Variants in PFKFB3 observed in about 807,000 individuals in gnomAD.
PFKFB3 encodes 6-phosphofructo-2-kinase/fructose-2,6-biphosphatase 3, also known as 6-phosphofructo-2-kinase/fructose-2,6-bisphosphatase 3.
A neutral mutation model predicts 68.0 loss-of-function variants in PFKFB3; 33 were observed. That is an observed-to-expected ratio of 0.49 (90% CI 0.37 to 0.65). The LOEUF is 0.65. PFKFB3 is among the 30% of genes least tolerant of loss of function. The pLI is 0.00. For synonymous variants in PFKFB3, 315 were observed against 288.2 expected (o/e 1.09, Z -0.94); for missense variants, 586 against 712.2 (o/e 0.82, Z 2.02).
chr10:6,253,384 C>G (rs770980997), intron 14 of PFKFB3, among the ~76,000 whole-genome samples: 2 of 152,166 alleles, frequency 1.3e-5, no homozygotes, highest in Non-Finnish European at 2.9e-5. Flanking sequence ...AAATTACTCT[C>G]TCTATTAAAG....
intron 1 of PFKFB3, among the ~76,000 whole-genome samples, chr10:6,158,127 TA>T (rs992170958): frequency 0.012 from 1,733 of 141,084 alleles, 64 homozygotes; most frequent in East Asian, 0.1. Context: ...CTACTAAAAA[TA>T]AAAAAAAAAA....
At chr10:6,310,064 G>T in the PFKFB3 span, among the ~76,000 whole-genome samples, 1 of 152,134 alleles carries the variant, frequency 6.6e-6, no homozygotes, top group Non-Finnish European at 1.5e-5. Flanking sequence ...AGGTGCTGGG[G>T]CTGCCAGAGG....
chr10:6,266,504 G>A, the PFKFB3 span, among the ~76,000 whole-genome samples: 1 of 152,068 alleles, frequency 6.6e-6, no homozygotes, highest in Admixed American at 6.6e-5. Context: ...ATTGCCAGTG[G>A]GTGTCATTGC....
At chr10:6,181,205 GA>G (rs534244191) in intron 1 of PFKFB3, among the ~76,000 whole-genome samples, 365 of 152,274 alleles carry the variant, frequency 2.4e-3, no homozygotes, top group Non-Finnish European at 2.4e-3. Context: ...ATGTTTTGTA[GA>G]GATAAAGTCT....
chr10:6,259,877 C>T, the PFKFB3 span, among the ~76,000 whole-genome samples: 2 of 152,296 alleles, frequency 1.3e-5, no homozygotes, highest in Admixed American at 1.3e-4. Flanking sequence ...AGTAGTGGAA[C>T]ATCAGATAGT....
chr10:6,275,949 T>A, the PFKFB3 span, among the ~76,000 whole-genome samples: 1 of 152,220 alleles, frequency 6.6e-6, no homozygotes, highest in Non-Finnish European at 1.5e-5. The surrounding 1 kb of genome is among the most constrained non-coding windows in gnomAD (Gnocchi z 4.9). Flanking sequence ...GCTTTCTTCA[T>A]GCTGGAGTAT....
chr10:6,248,628 CAAAAAAAAA>C (rs1215741346), intron 14 of PFKFB3, among the ~76,000 whole-genome samples: 3 of 71,874 alleles, frequency 4.2e-5, no homozygotes, highest in African/African-American at 1.5e-4. Flanking sequence ...GACTCCATCT[CAAAAAAAAA>C]AAAAAAAAAA....
At chr10:6,201,709 G>A (rs987371660), upstream of PFKFB3, among the ~76,000 whole-genome samples, 1 of 152,132 alleles carries the variant, frequency 6.6e-6, no homozygotes, top group Non-Finnish European at 1.5e-5. This position sits in a 1 kb window ranked among gnomAD's most constrained non-coding sequence, Gnocchi z 4.1. Context: ...AGCGAGCGCC[G>A]CCTTCCCTCC....
At chr10:6,221,004 C>A in intron 8 of PFKFB3, 139 bp downstream of exon 8, 1 of 810,686 alleles carries the variant, frequency 1.2e-6, no homozygotes, top group Non-Finnish European at 2.1e-6. Context: ...TCTGTGTGTG[C>A]GCCTGCACGT....
At chr10:6,297,661 C>G in the PFKFB3 span, among the ~76,000 whole-genome samples, 1 of 152,164 alleles carries the variant, frequency 6.6e-6, no homozygotes, top group Non-Finnish European at 1.5e-5. Flanking sequence ...GGAACTGTCT[C>G]AGGAATGTTT....
Position 6,166,053 on chromosome 10 carries a change from C to T in PFKFB3, c.16+21040C>T, listed in dbSNP as rs559181963. Among the ~76,000 whole-genome samples the T allele has an allele frequency of 4.6e-5, 7 of 151,094 alleles. No individual in the cohort carries two copies. In the South Asian group the frequency reaches 1.3e-3, roughly 27 times the overall value. Reference sequence around the variant, plus strand: ...GGAGTGCAGTGGCACGATCCCGGCTCACTGCAACTTCCGCCTCCTGGGTTC... The same window carrying T: ...GGAGTGCAGTGGCACGATCCCGGCTTACTGCAACTTCCGCCTCCTGGGTTC... On this transcript the variant is annotated intron_variant, in intron 1 of 14. Coordinates refer to the PFKFB3 transcript ENST00000379789.
chr10:6,177,424 CCTTTCTTTTCTTTCT>C (rs1842531191), intron 1 of PFKFB3, among the ~76,000 whole-genome samples: 1 of 33,554 alleles, frequency 3.0e-5, no homozygotes, highest in Non-Finnish European at 6.7e-5. Context: ...TCTCTTTCTT[CCTTTCTTTTCTTTCT>C]CTTTCTTTCT....
intron 1 of PFKFB3, among the ~76,000 whole-genome samples, chr10:6,205,581 C>T (rs1463015364): frequency 3.3e-5 from 5 of 151,748 alleles, no homozygotes; most frequent in East Asian, 1.9e-4. Flanking sequence ...TTAGTAAAGA[C>T]GGGGTTTCAC....
rs186649986 is a variant in PFKFB3 at position 6,226,159 on chromosome 10, C to T, written c.1342-33C>T. On this transcript the variant is annotated intron_variant, in intron 13 of 14. Transcript: ENST00000379775. ...TTTTCCTCCCCTTCTTTGTAACTGT[C>T]GCCTTTCTCTCTTTTGTCTTTGTCT... 5.4e-4 allele frequency: 817 copies of T among 1,521,418 alleles called. 1 individual carries two copies. The highest frequency in any genetic ancestry group is 6.9e-4 in the Non-Finnish European group (780 of 1,131,016). The allele number at this position is 1,521,418 out of a possible 1,614,324, so 94.2% of individuals were successfully genotyped here.
chr10:6,318,906 A>G, the PFKFB3 span, among the ~76,000 whole-genome samples: 2 of 152,144 alleles, frequency 1.3e-5, no homozygotes, highest in African/African-American at 4.8e-5. Flanking sequence ...GGCTGCTTCC[A>G]TGGGTTCCAC....
At chr10:6,241,167 A>C (rs1482705523) in intron 14 of PFKFB3, among the ~76,000 whole-genome samples, 1 of 151,810 alleles carries the variant, frequency 6.6e-6, no homozygotes. Context: ...GGCCTCCCAA[A>C]GTGCTGGGAT....
the PFKFB3 span, among the ~76,000 whole-genome samples, chr10:6,308,472 T>C: frequency 6.6e-6 from 1 of 152,140 alleles, no homozygotes; most frequent in East Asian, 1.9e-4. Flanking sequence ...GCCAAGATCA[T>C]GCCACTGCAC....
At chr10:6,322,239 C>T in the PFKFB3 span, among the ~76,000 whole-genome samples, 1 of 152,172 alleles carries the variant, frequency 6.6e-6, no homozygotes, top group Non-Finnish European at 1.5e-5. Context: ...AGCCCCAGAC[C>T]CTCAATGTCT....
chr10:6,203,162 GC>G lies in PFKFB3; in HGVS notation c.-93del, dbSNP rs1183878000. 36 of 1,515,136 alleles carry G rather than the reference GC, an allele frequency of 2.4e-5. No homozygotes were observed. The South Asian group carries it at 3.3e-4, about 14-fold the overall frequency. The allele number at this position is 1,515,136 out of a possible 1,614,324, so 93.9% of individuals were successfully genotyped here. On this transcript the variant is annotated 5_prime_UTR_variant, in exon 1 of 15. Transcript: ENST00000379775. ...AACGCCCGGCCGCGCGCCGGCGCAC[GC>G]CCCCCTCTCCTCCTTTGTTCCGGGG...
Sources: allele counts gnomAD v4.1 joint callset (sites outside exome capture counted in the v4.1 genomes callset), GRCh38; gene constraint gnomAD v4.1.1; non-coding constraint Gnocchi (gnomAD v3.1); transcripts MANE v1.5; gene names NCBI Gene and HGNC (gene_info 2026-07-23, HGNC 2026-07-21).